Variants in LRP1B observed in about 807,000 individuals in gnomAD.
The protein encoded by LRP1B is low-density lipoprotein receptor-related protein 1B.
In LRP1B, 217 loss-of-function variants were observed where a neutral mutation model predicts 556.6. That is an observed-to-expected ratio of 0.39 (90% CI 0.35 to 0.44). The LOEUF (loss-of-function observed/expected upper bound fraction) is 0.44. Ranked by LOEUF, LRP1B falls within the 20% of genes least tolerant of loss-of-function variation. The pLI, the probability that LRP1B is intolerant of heterozygous loss-of-function variation, is 1.00. For missense variants in LRP1B, 5,053 were observed against 5,620.8 expected (o/e 0.90, Z 3.23); for synonymous variants, 2,047 against 1,865.8 (o/e 1.10, Z -2.50).
At chr2:140,686,424 T>C (rs950338788) in intron 41 of LRP1B, among the ~76,000 whole-genome samples, 1 of 151,860 alleles carries the variant, frequency 6.6e-6, no homozygotes, top group Admixed American at 6.6e-5. Flanking sequence ...ATGGTGAAGA[T>C]TGATAAGAAA....
chr2:140,815,823 A>G (rs1218678717), intron 31 of LRP1B, among the ~76,000 whole-genome samples: 1 of 151,840 alleles, frequency 6.6e-6, no homozygotes, highest in Non-Finnish European at 1.5e-5. Context: ...ATGCCAAGCA[A>G]TTTAGTTAAG....
rs971362799 is a variant in LRP1B, at chr2:140,963,408, T to A, written c.2888-11468A>T. 2.0e-4 allele frequency among the ~76,000 whole-genome samples: 31 copies of A among 151,902 alleles called. No homozygotes were observed. The South Asian group carries it at 4.6e-3, about 22-fold the overall frequency. ...ACATAATTATTTCCTTTGACCCTGA[T>A]TTTTACGTGTGTGTGTGTGCATGTA... On this transcript the variant is annotated intron_variant, in intron 18 of 90. Coordinates refer to ENST00000389484, the MANE Select transcript of LRP1B (RefSeq NM_018557.3).
At chr2:141,973,415 T>C (rs1701799743) in intron 1 of LRP1B, among the ~76,000 whole-genome samples, 1 of 151,802 alleles carries the variant, frequency 6.6e-6, no homozygotes, top group Non-Finnish European at 1.5e-5. Context: ...CAGATGTATA[T>C]ATATCATATG....
chr2:140,402,502 T>A (rs772707016), intron 66 of LRP1B, among the ~76,000 whole-genome samples: 28 of 152,170 alleles, frequency 1.8e-4, no homozygotes, highest in Non-Finnish European at 4.0e-4. Context: ...CAGGCTTGCA[T>A]GAGAGGCAGA....
intron 41 of LRP1B, among the ~76,000 whole-genome samples, chr2:140,680,172 C>T (rs1052602248): frequency 6.6e-6 from 1 of 152,044 alleles, no homozygotes; most frequent in South Asian, 2.1e-4. Flanking sequence ...GCTTTCCAGA[C>T]CCCAGACCCT....
intron 41 of LRP1B, among the ~76,000 whole-genome samples, chr2:140,642,341 G>A (rs1203796298): frequency 1.3e-5 from 2 of 152,146 alleles, no homozygotes; most frequent in African/African-American, 4.8e-5. Flanking sequence ...CTTCGAGTGC[G>A]TCTCCTGAGA....
intron 17 of LRP1B, among the ~76,000 whole-genome samples, chr2:140,982,786 A>G (rs958802160): frequency 6.6e-6 from 1 of 151,858 alleles, no homozygotes; most frequent in African/African-American, 2.4e-5. Flanking sequence ...TTATTTCTTG[A>G]TCTCTAAATG....
intron 5 of LRP1B, among the ~76,000 whole-genome samples, chr2:141,232,874 T>G (rs1260781630): frequency 6.6e-6 from 1 of 152,176 alleles, no homozygotes; most frequent in African/African-American, 2.4e-5. Flanking sequence ...AGGAAGCCAC[T>G]GAAACACGAG....
At chr2:141,105,995 TCTGCCAG>T (rs1365104318) in intron 7 of LRP1B, among the ~76,000 whole-genome samples, 2 of 152,120 alleles carry the variant, frequency 1.3e-5, no homozygotes, top group Non-Finnish European at 2.9e-5. Context: ...GGGGCCAAAC[TCTGCCAG>T]CTGCTCTCTT....
At chr2:141,886,782 T>C (rs1259220027) in intron 1 of LRP1B, among the ~76,000 whole-genome samples, 3 of 152,176 alleles carry the variant, frequency 2.0e-5, no homozygotes, top group Non-Finnish European at 4.4e-5. Context: ...TTTGCTTTCA[T>C]TCCTTCTATA....
chr2:140,300,920 A>G (rs1029811591), intron 83 of LRP1B, among the ~76,000 whole-genome samples: 3 of 152,076 alleles, frequency 2.0e-5, no homozygotes, highest in East Asian at 3.8e-4. Flanking sequence ...CTATTGAGTG[A>G]GATTCACCTT....
At chr2:141,105,107 A>G (rs2104948801) in intron 7 of LRP1B, among the ~76,000 whole-genome samples, 1 of 152,250 alleles carries the variant, frequency 6.6e-6, no homozygotes, top group Non-Finnish European at 1.5e-5. Flanking sequence ...ATTGCTAACC[A>G]TCAAAGTCTG....
At chr2:140,642,201 T>C (rs1320902628) in intron 41 of LRP1B, among the ~76,000 whole-genome samples, 3 of 152,194 alleles carry the variant, frequency 2.0e-5, no homozygotes, top group African/African-American at 4.8e-5. Flanking sequence ...AATTGCTAAC[T>C]GAAGACAGAG....
chr2:141,799,636 A>G (rs1695937175), intron 2 of LRP1B, among the ~76,000 whole-genome samples: 1 of 152,138 alleles, frequency 6.6e-6, no homozygotes, highest in Admixed American at 6.6e-5. Flanking sequence ...GTGAGGCCTT[A>G]TGGATCCTCA....
chr2:141,541,391 C>T (rs930676630), intron 2 of LRP1B, among the ~76,000 whole-genome samples: 1 of 151,960 alleles, frequency 6.6e-6, no homozygotes, highest in African/African-American at 2.4e-5. Context: ...GACATTTGAG[C>T]TAAGTCTTAA....
At chr2:140,477,356 T>C (rs1217588448) in intron 59 of LRP1B, among the ~76,000 whole-genome samples, 3 of 152,126 alleles carry the variant, frequency 2.0e-5, no homozygotes, top group Admixed American at 1.3e-4. Flanking sequence ...TTATGTTTTT[T>C]AAGAATTGCA....
At chr2:141,265,073 A>G (rs1442536270) in intron 3 of LRP1B, among the ~76,000 whole-genome samples, 1 of 152,118 alleles carries the variant, frequency 6.6e-6, no homozygotes, top group African/African-American at 2.4e-5. Context: ...CCCGGAGATG[A>G]GAGGGGCCAC....
chr2:141,938,056 C>CT (rs978166691), intron 1 of LRP1B, among the ~76,000 whole-genome samples: 1 of 151,742 alleles, frequency 6.6e-6, no homozygotes, highest in African/African-American at 2.4e-5. Context: ...GCCTATGTGT[C>CT]TTTTTTTATG....
chr2:141,961,727 A>G (rs2105055795), intron 1 of LRP1B, among the ~76,000 whole-genome samples: 1 of 151,916 alleles, frequency 6.6e-6, no homozygotes, highest in East Asian at 1.9e-4. Flanking sequence ...TTTTTACTTT[A>G]CTTTCAATAA....
Sources: allele counts gnomAD v4.1 joint callset (sites outside exome capture counted in the v4.1 genomes callset), GRCh38; gene constraint gnomAD v4.1.1; transcripts MANE v1.5; gene names NCBI Gene and HGNC (gene_info 2026-07-23, HGNC 2026-07-21).